HSD17B12: variants seen among roughly 807,000 people sequenced by gnomAD.
HSD17B12 encodes the protein hydroxysteroid 17-beta dehydrogenase 12, also known as very-long-chain 3-oxoacyl-CoA reductase.
In HSD17B12, 32 loss-of-function variants were observed where a neutral mutation model predicts 39.3. That is an observed-to-expected ratio of 0.81 (90% CI 0.61 to 1.09). The LOEUF (loss-of-function observed/expected upper bound fraction) is 1.09, where lower values mean the gene tolerates loss of function less well. Ranked by LOEUF, HSD17B12 falls within the 50% of genes least tolerant of loss-of-function variation. The pLI, the probability that HSD17B12 is intolerant of heterozygous loss-of-function variation, is 0.00. For synonymous variants in HSD17B12, 150 were observed against 146.7 expected, an observed-to-expected ratio of 1.02 and a Z score of -0.16; for missense variants, 342 against 382.9, an observed-to-expected ratio of 0.89 and a Z score of 0.89.
chr11:43,849,757 G>A lies in HSD17B12; in HGVS notation c.685-4958G>A, dbSNP rs542850213. Among the ~76,000 whole-genome samples the A allele has an allele frequency of 9.2e-5, 14 of 152,116 alleles. No individual in the cohort carries two copies. In the East Asian group the frequency reaches 2.3e-3, roughly 25 times the overall value. On this transcript the variant is annotated intron_variant, in intron 9 of 10. Coordinates refer to ENST00000278353, the MANE Select transcript of HSD17B12 (RefSeq NM_016142.3). ...TTTGTTTTAATTATTATTTGTTTGT[G>A]GTCTATATCCTCCTACTGAAATGTA...
chr11:43,680,706 C>G, upstream of HSD17B12: 2 of 855,182 alleles, frequency 2.3e-6, no homozygotes, highest in Non-Finnish European at 3.9e-6. Context: ...GGGGTTTAGG[C>G]CCAAAGTGGT....
the HSD17B12 span, among the ~76,000 whole-genome samples, chr11:43,662,465 G>T: frequency 7.1e-6 from 1 of 141,034 alleles, no homozygotes; most frequent in Admixed American, 7.3e-5. Flanking sequence ...GGCTGGTCTC[G>T]AACTCCTGAC....
In HSD17B12 at chr11:43,816,354, A is replaced by G. The variant is rs1379776345; in HGVS notation, c.464A>G (p.Lys155Arg). ...LDVPDLDNVI[K>R]KMININILSV... Reference sequence around the variant, plus strand: ...CTCAATATTTTTTTGCAGGTGATCAAGAAAATGATAAATATTAATATTCTT... The same window carrying G: ...CTCAATATTTTTTTGCAGGTGATCAGGAAAATGATAAATATTAATATTCTT... Residue 155 changes from lysine (K) to arginine (R), a missense_variant, in exon 6 of 11, where the codon AAG becomes AGG. Physicochemically the swap from Lys to Arg is conservative, Grantham distance 26. Transcript: ENST00000278353. 1 of 1,509,330 alleles carries G rather than the reference A, an allele frequency of 6.6e-7. No individual in the cohort carries two copies. Among genetic ancestry groups the G allele is most frequent in the African/African-American group, 1.4e-5 (1 of 70,908 alleles). 93.5% of individuals were successfully genotyped at this position (1,509,330 alleles called of 1,614,324 possible).
the HSD17B12 span, among the ~76,000 whole-genome samples, chr11:43,632,231 C>T: frequency 6.6e-6 from 1 of 152,154 alleles, no homozygotes; most frequent in Non-Finnish European, 1.5e-5. Flanking sequence ...CTCTTGTCTT[C>T]ATCTATAGAG....
intron 3 of HSD17B12, among the ~76,000 whole-genome samples, chr11:43,786,125 C>T (rs569684066): frequency 1.3e-5 from 2 of 152,252 alleles, no homozygotes; most frequent in South Asian, 4.1e-4. Context: ...TTCAAATAAG[C>T]ATCGTTTTTC....
chr11:43,750,528 T>C (rs1950456233), intron 1 of HSD17B12, among the ~76,000 whole-genome samples: 2 of 152,164 alleles, frequency 1.3e-5, no homozygotes, highest in African/African-American at 4.8e-5. Context: ...ATGCATCAAC[T>C]AAGCTACTGT....
chr11:43,619,215 A>AAT, the HSD17B12 span, among the ~76,000 whole-genome samples: 7,880 of 63,384 alleles, frequency 0.12, 611 homozygotes, highest in East Asian at 0.38. Flanking sequence ...ATATATATAA[A>AAT]ATATATATAT....
the HSD17B12 span, among the ~76,000 whole-genome samples, chr11:43,602,329 G>A: frequency 6.6e-6 from 1 of 152,162 alleles, no homozygotes; most frequent in African/African-American, 2.4e-5. Flanking sequence ...TAACAGCTTG[G>A]GAGTGGGAGG....
chr11:43,794,154 A>G (rs995344555), intron 3 of HSD17B12, among the ~76,000 whole-genome samples: 7 of 152,230 alleles, frequency 4.6e-5, no homozygotes, highest in Non-Finnish European at 7.3e-5. Context: ...GGGATGGGTC[A>G]TGACTATATG....
intron 6 of HSD17B12, among the ~76,000 whole-genome samples, chr11:43,817,630 T>A (rs1208350048): frequency 2.0e-5 from 3 of 152,114 alleles, no homozygotes; most frequent in African/African-American, 7.2e-5. Flanking sequence ...ATGTTTTTGT[T>A]TGTTTTATTG....
intron 3 of HSD17B12, among the ~76,000 whole-genome samples, chr11:43,793,726 C>G (rs1052007773): frequency 2.0e-5 from 3 of 152,278 alleles, no homozygotes; most frequent in Admixed American, 2.0e-4. Flanking sequence ...CCTTTTCTGT[C>G]AATTCCAGAC....
intron 5 of HSD17B12, 77 bp from the exon 6 acceptor site, chr11:43,816,270 T>C (rs1951122014): frequency 5.0e-6 from 6 of 1,192,136 alleles, no homozygotes; most frequent in Non-Finnish European, 6.8e-6. Context: ...AATGCTTCTC[T>C]AGATTACCTA....
intron 1 of HSD17B12, among the ~76,000 whole-genome samples, chr11:43,742,236 C>T (rs985645349): frequency 6.6e-6 from 1 of 150,796 alleles, no homozygotes. Flanking sequence ...TTCCTGAGCT[C>T]AGAGGATCCT....
chr11:43,817,058 A>ATATC (rs1163474100), intron 6 of HSD17B12, among the ~76,000 whole-genome samples: 144 of 139,726 alleles, frequency 1.0e-3, no homozygotes, highest in South Asian at 2.8e-3. Flanking sequence ...ATATATATAT[A>ATATC]TCTCGTGGTT....
At chr11:43,848,150 G>A (rs1951496460) in intron 9 of HSD17B12, among the ~76,000 whole-genome samples, 2 of 152,130 alleles carry the variant, frequency 1.3e-5, no homozygotes, top group Non-Finnish European at 2.9e-5. Context: ...GTCTAAATAG[G>A]GAGAGTTATA....
In HSD17B12 at chr11:43,776,531, A is replaced by G. The variant is rs1244249296; in HGVS notation, c.284-21789A>G. ...CCCTTTGTCAGATGAGTATGTTGCG[A>G]AAATTTTCTCCCGTTTTGTAGGTTG... On this transcript the variant is annotated intron_variant, in intron 3 of 10. Coordinates refer to ENST00000278353, the MANE Select transcript of HSD17B12 (RefSeq NM_016142.3). Among the ~76,000 whole-genome samples the G allele has an allele frequency of 3.3e-5, 5 of 152,142 alleles. No homozygotes were observed. In the East Asian group the frequency reaches 9.6e-4, roughly 29 times the overall value.
the HSD17B12 span, among the ~76,000 whole-genome samples, chr11:43,637,409 T>C: frequency 4.6e-5 from 7 of 152,060 alleles, no homozygotes; most frequent in South Asian, 1.5e-3. Flanking sequence ...TTAGTAGAGC[T>C]GGTATTTCAC....
chr11:43,682,213 A>C (rs1440864761), intron 1 of HSD17B12, among the ~76,000 whole-genome samples: 1 of 152,222 alleles, frequency 6.6e-6, no homozygotes, highest in Non-Finnish European at 1.5e-5. Context: ...GATGTGGAGC[A>C]ACATTATAAT....
intron 4 of HSD17B12, among the ~76,000 whole-genome samples, chr11:43,799,522 T>C (rs1319592420): frequency 6.6e-6 from 1 of 152,158 alleles, no homozygotes; most frequent in Non-Finnish European, 1.5e-5. Context: ...AAAAATGGGC[T>C]TTGTTAACTT....
Sources: gnomAD v4.1 joint callset for allele counts (sites outside exome capture counted in the v4.1 genomes callset) on GRCh38, gnomAD v4.1.1 for gene constraint, MANE v1.5 for transcripts, NCBI Gene and HGNC (gene_info 2026-07-23, HGNC 2026-07-21) for gene names.